Variants in OTUD7A observed in about 807,000 individuals in gnomAD.
OTUD7A encodes the protein OTU deubiquitinase 7A, also known as OTU domain-containing protein 7A.
OTUD7A carries 12 observed loss-of-function variants against 65.7 expected under a neutral mutation model. The ratio of observed to expected loss-of-function variants is 0.18; its 90% CI spans 0.12 to 0.30. The LOEUF is 0.30. OTUD7A is among the 10% of genes least tolerant of loss of function. The pLI is 1.00. For synonymous variants in OTUD7A, 641 were observed against 586.3 expected (o/e 1.09, Z -1.35); for missense variants, 1,148 against 1,304.8 (o/e 0.88, Z 1.85).
rs532129170 is a variant in OTUD7A, at chr15:31,708,220, T to G, written c.-99-51143A>C. Among the ~76,000 whole-genome samples, 12 of 152,200 alleles carry G rather than the reference T, an allele frequency of 7.9e-5. No individual in the cohort carries two copies. The East Asian group carries it at 2.3e-3, about 29-fold the overall frequency. ...TGAGACTGTAAAACTTAAAAAGAGTTTCTAACATCCGGTGGTGGTAAAGAT... is the reference window on the plus strand; with the variant it reads ...TGAGACTGTAAAACTTAAAAAGAGTGTCTAACATCCGGTGGTGGTAAAGAT... On this transcript the variant is annotated intron_variant, in intron 1 of 12. Coordinates refer to ENST00000307050, the MANE Select transcript of OTUD7A (RefSeq NM_001382637.1).
chr15:31,699,112 C>T (rs1254467340), intron 1 of OTUD7A, among the ~76,000 whole-genome samples: 1 of 147,838 alleles, frequency 6.8e-6, no homozygotes, highest in Non-Finnish European at 1.5e-5. Flanking sequence ...TGGAGTCTCG[C>T]TTTGCCACCC....
At chr15:31,754,265 G>A (rs1894747442) in intron 1 of OTUD7A, among the ~76,000 whole-genome samples, 2 of 151,756 alleles carry the variant, frequency 1.3e-5, no homozygotes, top group African/African-American at 4.9e-5. Flanking sequence ...TTAGTCCTTT[G>A]TCAGACATAT....
intron 1 of OTUD7A, among the ~76,000 whole-genome samples, chr15:31,671,980 T>A (rs1892495675): frequency 6.6e-6 from 1 of 152,234 alleles, no homozygotes; most frequent in African/African-American, 2.4e-5. Flanking sequence ...CCGTGTGTAC[T>A]TAATGCTTAG....
At chr15:31,743,599 C>T (rs898756584) in intron 1 of OTUD7A, among the ~76,000 whole-genome samples, 3 of 151,682 alleles carry the variant, frequency 2.0e-5, no homozygotes, top group African/African-American at 7.3e-5. Flanking sequence ...GTGAAATCAG[C>T]GAAATAGAAA....
At chr15:31,856,894 T>C (rs1252925886) in intron 1 of OTUD7A, among the ~76,000 whole-genome samples, 1 of 152,216 alleles carries the variant, frequency 6.6e-6, no homozygotes, top group Non-Finnish European at 1.5e-5. Flanking sequence ...AAGGGGCTTG[T>C]TGGACAGAGC....
chr15:31,618,270 T>G (rs1180598666), intron 3 of OTUD7A, among the ~76,000 whole-genome samples: 1 of 152,218 alleles, frequency 6.6e-6, no homozygotes, highest in Non-Finnish European at 1.5e-5. Flanking sequence ...GCAGCATGAT[T>G]TATAATCCTT....
At chr15:31,636,100 C>T (rs1891332763) in intron 3 of OTUD7A, among the ~76,000 whole-genome samples, 1 of 152,228 alleles carries the variant, frequency 6.6e-6, no homozygotes, top group African/African-American at 2.4e-5. Context: ...CGTGTCCATA[C>T]AGACACACCT....
chr15:31,553,653 G>A (rs1156674682), intron 5 of OTUD7A, among the ~76,000 whole-genome samples: 1 of 151,604 alleles, frequency 6.6e-6, no homozygotes, highest in African/African-American at 2.4e-5. Flanking sequence ...CATTCTTAGG[G>A]CCATGCTGGA....
At chr15:31,603,238 A>G (rs1165060105) in intron 3 of OTUD7A, among the ~76,000 whole-genome samples, 2 of 151,948 alleles carry the variant, frequency 1.3e-5, no homozygotes, top group African/African-American at 4.8e-5. Flanking sequence ...CTGGTACCAA[A>G]ACAGATATAT....
intron 8 of OTUD7A, among the ~76,000 whole-genome samples, chr15:31,505,094 G>C (rs781230027): frequency 5.3e-5 from 8 of 152,218 alleles, no homozygotes; most frequent in Admixed American, 2.6e-4. Context: ...TTTGTTATGA[G>C]AGTATATTGA....
intron 10 of OTUD7A, among the ~76,000 whole-genome samples, chr15:31,490,278 C>T (rs1196827224): frequency 6.6e-6 from 1 of 152,180 alleles, no homozygotes; most frequent in Non-Finnish European, 1.5e-5. Flanking sequence ...CCTAAAAAGG[C>T]CGGAAAGGTG....
intron 1 of OTUD7A, among the ~76,000 whole-genome samples, chr15:31,818,323 A>G (rs1341596540): frequency 1.3e-5 from 2 of 152,228 alleles, no homozygotes; most frequent in Admixed American, 1.3e-4. Flanking sequence ...TATCTTTAAA[A>G]AATAAAAGGA....
At chr15:31,842,282 G>T (rs1897202213) in intron 1 of OTUD7A, among the ~76,000 whole-genome samples, 2 of 152,242 alleles carry the variant, frequency 1.3e-5, no homozygotes, top group African/African-American at 4.8e-5. Context: ...TCTAGGTGTG[G>T]ATTATGAGGT....
At chr15:31,730,963 GA>G (rs1894025814) in intron 1 of OTUD7A, among the ~76,000 whole-genome samples, 1 of 152,156 alleles carries the variant, frequency 6.6e-6, no homozygotes, top group Non-Finnish European at 1.5e-5. Context: ...AGTGTCAAAG[GA>G]AAAACTACAA....
At chr15:31,678,563 A>G (rs767709057) in intron 1 of OTUD7A, among the ~76,000 whole-genome samples, 52 of 152,336 alleles carry the variant, frequency 3.4e-4, no homozygotes, top group Non-Finnish European at 6.0e-4. Flanking sequence ...TGTGGCTAAA[A>G]CGGGCCAATG....
chr15:31,673,083 C>T (rs2338909), intron 1 of OTUD7A, among the ~76,000 whole-genome samples: 8,651 of 152,198 alleles, frequency 0.057, 834 homozygotes, highest in African/African-American at 0.2. Context: ...AATAAACTTA[C>T]CTTAAGTTGA....
intron 6 of OTUD7A, 105 bp from the exon 7 acceptor site, chr15:31,527,413 G>C (rs1194654480): frequency 1.4e-6 from 2 of 1,431,968 alleles, no homozygotes; most frequent in Non-Finnish European, 1.9e-6. Context: ...CCTCCTGTCT[G>C]CACGCAGAAC....
intron 8 of OTUD7A, among the ~76,000 whole-genome samples, chr15:31,516,400 G>T (rs1056895292): frequency 6.6e-6 from 1 of 152,194 alleles, no homozygotes; most frequent in Non-Finnish European, 1.5e-5. Context: ...GACCCAGGGG[G>T]TGGCGGAGAG....
chr15:31,850,492 T>C (rs544106363), intron 1 of OTUD7A, among the ~76,000 whole-genome samples: 78 of 152,126 alleles, frequency 5.1e-4, no homozygotes, highest in Middle Eastern at 6.8e-3. Context: ...CACACCAACA[T>C]GGCACACATA....
Sources: gnomAD v4.1 joint callset for allele counts (sites outside exome capture counted in the v4.1 genomes callset) on GRCh38, gnomAD v4.1.1 for gene constraint, MANE v1.5 for transcripts, NCBI Gene and HGNC (gene_info 2026-07-23, HGNC 2026-07-21) for gene names.